Variants in HOMER1 observed in about 807,000 individuals in gnomAD.
HOMER1 encodes the protein homer protein homolog 1.
HOMER1 carries 3 observed loss-of-function variants against 48.9 expected under a neutral mutation model. The observed-to-expected ratio is 0.06, with a 90% confidence interval of 0.03 to 0.16. The LOEUF is 0.16. Ranked by LOEUF, HOMER1 falls within the 10% of genes least tolerant of loss-of-function variation. The pLI, the probability that HOMER1 is intolerant of heterozygous loss-of-function variation, is 1.00. For synonymous variants in HOMER1, 134 were observed against 146.4 expected, an observed-to-expected ratio of 0.92 and a Z score of 0.61; for missense variants, 247 against 411.4, an observed-to-expected ratio of 0.60 and a Z score of 3.46.
intron 1 of HOMER1, among the ~76,000 whole-genome samples, chr5:79,481,946 C>T (rs1476186050): frequency 4.6e-5 from 7 of 152,148 alleles, no homozygotes; most frequent in East Asian, 3.8e-4. Flanking sequence ...AGTCTGGGCA[C>T]GGTGGCTCAC....
intron 5 of HOMER1, among the ~76,000 whole-genome samples, chr5:79,407,550 G>A (rs552280646): frequency 3.9e-5 from 6 of 152,318 alleles, no homozygotes; most frequent in Non-Finnish European, 8.8e-5. Context: ...AACAACAGAG[G>A]TGAAGAATGC....
intron 4 of HOMER1, among the ~76,000 whole-genome samples, chr5:79,442,527 G>C (rs904550525): frequency 6.6e-6 from 1 of 152,158 alleles, no homozygotes. Flanking sequence ...GGGGAGGTAC[G>C]CAGCAGCACT....
In HOMER1 at chr5:79,379,244, ATATATATCTATTATATATATTATATAT is replaced by A. The variant is rs1267207612; in HGVS notation, c.877-3074_877-3048del. Among the ~76,000 whole-genome samples, 325 of 66,180 alleles carry A rather than the reference ATATATATCTATTATATATATTATATAT, an allele frequency of 4.9e-3. 2 individuals carry two copies. Among genetic ancestry groups the A allele is most frequent in the African/African-American group, 0.02 (319 of 16,026 alleles). The allele number at this position is 66,180 out of a possible 152,430, so 43.4% of individuals were successfully genotyped here. ...ATATCTATAATATATATTATATATT[ATATATATCTATTATATATATTATATAT>A]TATATATATCTATTATATATATTAA... On this transcript the variant is annotated intron_variant, in intron 8 of 8. Transcript: ENST00000334082.
intron 3 of HOMER1, among the ~76,000 whole-genome samples, chr5:79,448,268 A>T (rs1750939383): frequency 6.6e-6 from 1 of 152,210 alleles, no homozygotes; most frequent in African/African-American, 2.4e-5. Flanking sequence ...ACATTGGTGG[A>T]AATGAAATCA....
intron 5 of HOMER1, among the ~76,000 whole-genome samples, chr5:79,437,408 TATG>T (rs1372120000): frequency 1.3e-5 from 2 of 152,186 alleles, no homozygotes; most frequent in Non-Finnish European, 2.9e-5. Context: ...TGCATACTAA[TATG>T]ATTATTTAAT....
chr5:79,500,280 G>C (rs983105944), intron 1 of HOMER1, among the ~76,000 whole-genome samples: 1 of 152,110 alleles, frequency 6.6e-6, no homozygotes, highest in African/African-American at 2.4e-5. Flanking sequence ...AGAAAAAGCA[G>C]TTTTATGATA....
chr5:79,467,403 A>AAC (rs2112318679), intron 1 of HOMER1, among the ~76,000 whole-genome samples: 1 of 151,366 alleles, frequency 6.6e-6, no homozygotes, highest in Admixed American at 6.6e-5. Flanking sequence ...AAAAAAAAAA[A>AAC]AAAAAAAAAA....
chr5:79,398,588 T>C (rs9293779), intron 6 of HOMER1, among the ~76,000 whole-genome samples: 60,729 of 151,970 alleles, frequency 0.4, 13,024 homozygotes, highest in East Asian at 0.54. Context: ...AGCCTCCCAG[T>C]GGACTTAATT....
intron 1 of HOMER1, among the ~76,000 whole-genome samples, chr5:79,466,853 A>G (rs1751478705): frequency 6.6e-6 from 1 of 151,956 alleles, no homozygotes; most frequent in African/African-American, 2.4e-5. Context: ...GTGCAGTGGC[A>G]CAATCTCGGC....
At chr5:79,442,442 T>C (rs537774947) in intron 4 of HOMER1, among the ~76,000 whole-genome samples, 2 of 152,190 alleles carry the variant, frequency 1.3e-5, no homozygotes, top group Non-Finnish European at 2.9e-5. Context: ...TGGAAAAAAG[T>C]TGACCTTGAC....
chr5:79,431,322 A>T (rs1750419583), intron 5 of HOMER1, among the ~76,000 whole-genome samples: 1 of 151,162 alleles, frequency 6.6e-6, no homozygotes, highest in Non-Finnish European at 1.5e-5. Context: ...GACTCAAAAC[A>T]AACAAACAAA....
chr5:79,381,313 C>T (rs1748965691), intron 8 of HOMER1, among the ~76,000 whole-genome samples: 1 of 152,198 alleles, frequency 6.6e-6, no homozygotes, highest in African/African-American at 2.4e-5. Flanking sequence ...GCCAAAGTGC[C>T]CTGTGCATCC....
In HOMER1 at chr5:79,402,056, CTAAAA is replaced by C. The variant is rs1477046386; in HGVS notation, c.528-6_528-2del. On this transcript the variant is annotated splice_acceptor_variant and splice_polypyrimidine_tract_variant and intron_variant, in intron 5 of 8. Transcript: ENST00000334082. LOFTEE classifies it high-confidence loss of function. ...CTCCCAATGTTTGCTGATTGCTGAA[CTAAAA>C]TAAAACAAAAAGAAAATTCTATCCA... 1.2e-6 allele frequency: 2 copies of C among 1,611,112 alleles called. No individual in the cohort carries two copies. Among genetic ancestry groups the C allele is most frequent in the Non-Finnish European group, 1.7e-6 (2 of 1,179,522 alleles).
chr5:79,383,306 T>C (rs1462496364), intron 8 of HOMER1, among the ~76,000 whole-genome samples: 1 of 152,052 alleles, frequency 6.6e-6, no homozygotes, highest in Non-Finnish European at 1.5e-5. Flanking sequence ...ACAGATCATC[T>C]AGACAGAAAA....
intron 6 of HOMER1, among the ~76,000 whole-genome samples, chr5:79,399,135 A>G (rs903785260): frequency 3.9e-5 from 6 of 152,204 alleles, no homozygotes; most frequent in Non-Finnish European, 5.9e-5. Flanking sequence ...TCCTATAGGT[A>G]ACAATTGCAA....
intron 1 of HOMER1, among the ~76,000 whole-genome samples, chr5:79,509,066 C>T (rs917569302): frequency 5.3e-5 from 8 of 152,128 alleles, no homozygotes; most frequent in African/African-American, 1.9e-4. Context: ...TTTGCTACAA[C>T]CCCTAGAGAG....
chr5:79,401,300 A>T (rs1227531047), intron 6 of HOMER1, among the ~76,000 whole-genome samples: 1 of 152,230 alleles, frequency 6.6e-6, no homozygotes, highest in East Asian at 1.9e-4. Flanking sequence ...ATGCCAATTA[A>T]GTATTCAATT....
intron 1 of HOMER1, among the ~76,000 whole-genome samples, chr5:79,512,390 T>C (rs1367010052): frequency 6.6e-6 from 1 of 152,200 alleles, no homozygotes; most frequent in Non-Finnish European, 1.5e-5. Flanking sequence ...GTGCAACTGA[T>C]TATCTAAAAG....
chr5:79,463,739 AT>A (rs1290037794), intron 1 of HOMER1, among the ~76,000 whole-genome samples: 1 of 152,158 alleles, frequency 6.6e-6, no homozygotes, highest in East Asian at 1.9e-4. Context: ...AGTATACACA[AT>A]TTGATTTTGG....
Sources: gnomAD v4.1 joint callset for allele counts (sites outside exome capture counted in the v4.1 genomes callset) on GRCh38, gnomAD v4.1.1 for gene constraint, MANE v1.5 for transcripts, NCBI Gene and HGNC (gene_info 2026-07-23, HGNC 2026-07-21) for gene names.